The following KLF8 variants were observed in gnomAD, a reference collection of about 807,000 sequenced individuals.
The protein encoded by KLF8 is KLF transcription factor 8, also known as Krueppel-like factor 8.
A neutral mutation model predicts 18.2 loss-of-function variants in KLF8; 10 were observed. The observed-to-expected ratio is 0.55, with a 90% CI of 0.34 to 0.93. The LOEUF is 0.93. Among genes scored for constraint, KLF8 ranks in the 40% least tolerant of loss-of-function variants. The pLI, the probability that KLF8 is intolerant of heterozygous loss-of-function variation, is 0.02. For missense variants in KLF8, 264 were observed against 277.9 expected (o/e 0.95, Z 0.36); for synonymous variants, 109 against 97.3 (o/e 1.12, Z -0.71).
the KLF8 span, among the ~76,000 whole-genome samples, chrX:56,044,173 C>T: frequency 1.8e-5 from 2 of 109,674 alleles, no homozygotes; most frequent in Non-Finnish European, 3.8e-5. Flanking sequence ...GCAGCCAGCT[C>T]CTTCTTTTGG....
the KLF8 span, among the ~76,000 whole-genome samples, chrX:56,042,466 G>A: frequency 9.0e-6 from 1 of 111,434 alleles, no homozygotes; most frequent in Non-Finnish European, 1.9e-5. Flanking sequence ...CTATTTTTGT[G>A]TGGGAGTCTA....
rs1245069875 is a variant in KLF8, at chrX:56,265,271, A to G, written c.173A>G (p.Glu58Gly). ...ACACTCCTGGATGCCAACCCCATGG[A>G]GAACCCAGCACTGTTTAATGACATC... ...SPTLLDANPM[E>G]NPALFNDIKI... Residue 58 changes from glutamate to glycine, a missense_variant, in exon 3 of 6, where the codon GAG (glutamate) becomes GGG (glycine). By Grantham distance (98) the Glu-to-Gly change is moderately conservative. Coordinates refer to ENST00000468660, the MANE Select transcript of KLF8 (RefSeq NM_007250.5). 7.4e-6 allele frequency: 9 copies of G among 1,208,489 alleles called. No individual in the cohort carries two copies. Among genetic ancestry groups the G allele is most frequent in the Admixed American group, 2.2e-5 (1 of 45,820 alleles).
chrX:56,079,709 C>A, the KLF8 span, among the ~76,000 whole-genome samples: 1 of 110,722 alleles, frequency 9.0e-6, no homozygotes, highest in Non-Finnish European at 1.9e-5. Context: ...TCCTTGTTGA[C>A]TTTCTGTCTT....
the KLF8 span, among the ~76,000 whole-genome samples, chrX:56,089,698 T>A: frequency 1.8e-5 from 2 of 112,085 alleles, no homozygotes; most frequent in African/African-American, 6.5e-5. Context: ...GAAACTTCCA[T>A]AAAGATGAGT....
the KLF8 span, among the ~76,000 whole-genome samples, chrX:56,097,095 T>G: frequency 8.9e-6 from 1 of 111,741 alleles, no homozygotes; most frequent in Non-Finnish European, 1.9e-5. Flanking sequence ...ACAAAAGTAA[T>G]TATACTACAC....
chrX:56,066,286 A>T, the KLF8 span, among the ~76,000 whole-genome samples: 1 of 111,931 alleles, frequency 8.9e-6, no homozygotes, highest in Admixed American at 9.4e-5. Context: ...AAGGTGATGA[A>T]TGGGGCAGGG....
the KLF8 span, among the ~76,000 whole-genome samples, chrX:56,110,938 T>G: frequency 7.2e-5 from 8 of 111,827 alleles, no homozygotes; most frequent in Admixed American, 4.8e-4. Context: ...TATTTCTTCA[T>G]GTGGCTTCAA....
the KLF8 span, among the ~76,000 whole-genome samples, chrX:56,044,222 T>C: frequency 2.4e-5 from 1 of 42,046 alleles, no homozygotes; most frequent in Non-Finnish European, 5.1e-5. Context: ...GTTCCTGGCC[T>C]GTACACCTGT....
At chrX:55,930,661 G>T in the KLF8 span, among the ~76,000 whole-genome samples, 1 of 111,968 alleles carries the variant, frequency 8.9e-6, no homozygotes, top group Non-Finnish European at 1.9e-5. Flanking sequence ...TTTGTCATTG[G>T]TTCTGTTTAT....
chrX:56,009,604 G>A, the KLF8 span, among the ~76,000 whole-genome samples: 2 of 112,180 alleles, frequency 1.8e-5, no homozygotes, highest in East Asian at 2.8e-4. Flanking sequence ...CTGGTTAGAG[G>A]CTGTAATGGA....
the KLF8 span, among the ~76,000 whole-genome samples, chrX:56,220,418 G>A: frequency 8.9e-6 from 1 of 112,284 alleles, no homozygotes; most frequent in African/African-American, 3.2e-5. Flanking sequence ...ATGCTAAAGT[G>A]TGAGAACCAT....
At chrX:56,251,137 T>A (rs1388721353) in intron 2 of KLF8, among the ~76,000 whole-genome samples, 1 of 112,499 alleles carries the variant, frequency 8.9e-6, no homozygotes, top group Non-Finnish European at 1.9e-5. Context: ...CCCCATTTGA[T>A]GGAAAATAAA....
the KLF8 span, among the ~76,000 whole-genome samples, chrX:55,970,348 GA>G: frequency 1.6e-4 from 17 of 109,630 alleles, no homozygotes; most frequent in South Asian, 3.8e-4. Context: ...AATTGATGCT[GA>G]AAAAAAAATT....
chrX:56,144,909 T>C, the KLF8 span, among the ~76,000 whole-genome samples: 138 of 107,507 alleles, frequency 1.3e-3, no homozygotes, highest in African/African-American at 4.5e-3. Flanking sequence ...TCTCCTGCCT[T>C]AGCCTCCCGA....
chrX:56,207,999 G>A, the KLF8 span, among the ~76,000 whole-genome samples: 10 of 111,117 alleles, frequency 9.0e-5, no homozygotes, highest in Admixed American at 9.7e-5. Flanking sequence ...AGGCAAGAGA[G>A]CTTGTACAGT....
the KLF8 span, among the ~76,000 whole-genome samples, chrX:55,926,026 T>C: frequency 9.0e-6 from 1 of 111,606 alleles, no homozygotes; most frequent in Non-Finnish European, 1.9e-5. Context: ...TATACTCCTT[T>C]AGTTATTTTA....
chrX:56,157,742 C>A, the KLF8 span, among the ~76,000 whole-genome samples: 1 of 111,007 alleles, frequency 9.0e-6, no homozygotes, highest in South Asian at 3.8e-4. Context: ...GGGTTGTTTG[C>A]TTTTTTCTTG....
chrX:55,981,192 C>G, the KLF8 span, among the ~76,000 whole-genome samples: 4 of 111,949 alleles, frequency 3.6e-5, no homozygotes, highest in African/African-American at 1.3e-4. Flanking sequence ...GACTCCATCT[C>G]AAAATAATTA....
chrX:56,050,843 G>T, the KLF8 span, among the ~76,000 whole-genome samples: 1 of 109,767 alleles, frequency 9.1e-6, no homozygotes, highest in African/African-American at 3.3e-5. Context: ...CTGTCTCATT[G>T]ATCTGTCTAA....
Sources: gnomAD v4.1 joint callset for allele counts (sites outside exome capture counted in the v4.1 genomes callset) on GRCh38, gnomAD v4.1.1 for gene constraint, MANE v1.5 for transcripts, NCBI Gene and HGNC (gene_info 2026-07-23, HGNC 2026-07-21) for gene names.